Variants in NUBPL observed in about 807,000 individuals in gnomAD.
The protein encoded by NUBPL is iron-sulfur cluster transfer protein NUBPL.
In NUBPL, 31 loss-of-function variants were observed where a neutral mutation model predicts 45.7. The observed-to-expected ratio is 0.68, with a 90% CI of 0.51 to 0.92. The LOEUF is 0.92. NUBPL is among the 40% of genes least tolerant of loss of function. The pLI, the probability that NUBPL is intolerant of heterozygous loss-of-function variation, is 0.00. For missense variants in NUBPL, 401 were observed against 398.7 expected, an observed-to-expected ratio of 1.01 and a Z score of -0.05; for synonymous variants, 144 against 140.9, an observed-to-expected ratio of 1.02 and a Z score of -0.15.
chr14:31,748,444 A>G (rs1220552503), intron 6 of NUBPL, among the ~76,000 whole-genome samples: 1 of 152,092 alleles, frequency 6.6e-6, no homozygotes, highest in Admixed American at 6.6e-5. Context: ...CTCTTCCCTT[A>G]GACTGAATAT....
intron 7 of NUBPL, among the ~76,000 whole-genome samples, chr14:31,822,362 G>A (rs1253638538): frequency 6.6e-6 from 1 of 151,762 alleles, no homozygotes; most frequent in East Asian, 1.9e-4. Flanking sequence ...TAAAAATCTA[G>A]GTTATGCTAG....
chr14:31,786,474 AT>A (rs1273815945), intron 6 of NUBPL, among the ~76,000 whole-genome samples: 2 of 152,132 alleles, frequency 1.3e-5, no homozygotes. Context: ...TTCTGTGCAC[AT>A]TTTACTGTCT....
intron 6 of NUBPL, among the ~76,000 whole-genome samples, chr14:31,742,655 G>A (rs990063530): frequency 6.6e-6 from 1 of 152,120 alleles, no homozygotes; most frequent in Admixed American, 6.5e-5. Context: ...CCAGGCTAGA[G>A]TGCAGTGACA....
chr14:31,800,249 A>G (rs191655308), intron 7 of NUBPL, among the ~76,000 whole-genome samples: 16 of 152,308 alleles, frequency 1.1e-4, no homozygotes. Flanking sequence ...GAGGGCTGGA[A>G]TCAACTTCTT....
At chr14:31,709,408 A>G (rs2037521603) in intron 6 of NUBPL, among the ~76,000 whole-genome samples, 1 of 152,204 alleles carries the variant, frequency 6.6e-6, no homozygotes, top group African/African-American at 2.4e-5. Flanking sequence ...TGCAGTCCCC[A>G]TGATCTGAGT....
chr14:31,563,862 T>C (rs920571030), intron 2 of NUBPL, among the ~76,000 whole-genome samples: 2 of 152,230 alleles, frequency 1.3e-5, no homozygotes, highest in African/African-American at 4.8e-5. Context: ...AAAAACGAAT[T>C]TATCAAGTCT....
chr14:31,647,188 A>G (rs902171963), intron 4 of NUBPL, among the ~76,000 whole-genome samples: 1 of 152,124 alleles, frequency 6.6e-6, no homozygotes, highest in Non-Finnish European at 1.5e-5. Context: ...ACATTTAGCC[A>G]TCTTGTTAGG....
chr14:31,780,704 A>G (rs996269471), intron 6 of NUBPL, among the ~76,000 whole-genome samples: 1 of 152,206 alleles, frequency 6.6e-6, no homozygotes, highest in East Asian at 1.9e-4. Flanking sequence ...AAGTGCTTCC[A>G]GAGAAAAATT....
At chr14:31,766,739 A>G (rs1176107678) in intron 6 of NUBPL, among the ~76,000 whole-genome samples, 1 of 152,244 alleles carries the variant, frequency 6.6e-6, no homozygotes, top group African/African-American at 2.4e-5. Flanking sequence ...GGTAACACAA[A>G]TACAAATGAG....
intron 8 of NUBPL, among the ~76,000 whole-genome samples, chr14:31,831,388 C>T (rs1037529891): frequency 2.0e-5 from 3 of 151,908 alleles, no homozygotes; most frequent in Non-Finnish European, 4.4e-5. Context: ...GATCCAATTA[C>T]ACTCTATTAC....
At chr14:31,827,112 C>T (rs1186210688) in intron 8 of NUBPL, among the ~76,000 whole-genome samples, 1 of 152,070 alleles carries the variant, frequency 6.6e-6, no homozygotes, top group African/African-American at 2.4e-5. Flanking sequence ...TCATTTATAG[C>T]TCACCTTCTT....
chr14:31,854,650 A>G (rs2040589462), intron 10 of NUBPL, among the ~76,000 whole-genome samples: 1 of 152,222 alleles, frequency 6.6e-6, no homozygotes, highest in Non-Finnish European at 1.5e-5. Flanking sequence ...GTTTACAGAT[A>G]TGGAAACTGA....
At chr14:31,823,285 G>A (rs2040047113) in intron 7 of NUBPL, among the ~76,000 whole-genome samples, 1 of 151,942 alleles carries the variant, frequency 6.6e-6, no homozygotes, top group African/African-American at 2.4e-5. Flanking sequence ...AAAATATTAT[G>A]TCATTACTTT....
intron 4 of NUBPL, among the ~76,000 whole-genome samples, chr14:31,652,935 T>A (rs2036046857): frequency 6.6e-6 from 1 of 152,150 alleles, no homozygotes; most frequent in African/African-American, 2.4e-5. Context: ...AAGAGGAATT[T>A]TACAGCTGGG....
intron 6 of NUBPL, among the ~76,000 whole-genome samples, chr14:31,701,427 A>G (rs1029405324): frequency 7.2e-5 from 11 of 152,230 alleles, no homozygotes; most frequent in Non-Finnish European, 7.3e-5. Flanking sequence ...GGGGTCAGAT[A>G]AGGGAATAAA....
At chr14:31,645,005 C>T (rs1051754940) in intron 4 of NUBPL, among the ~76,000 whole-genome samples, 1 of 151,668 alleles carries the variant, frequency 6.6e-6, no homozygotes, top group African/African-American at 2.4e-5. Context: ...GGAATATCTT[C>T]TCCAATCTCC....
At chr14:31,624,269 T>C (rs111329522) in intron 4 of NUBPL, among the ~76,000 whole-genome samples, 1,618 of 152,260 alleles carry the variant, frequency 0.011, 24 homozygotes, top group African/African-American at 0.037. Context: ...TATGTAGATA[T>C]ATTATCCATC....
At chr14:31,678,035 C>T (rs2036742623) in intron 6 of NUBPL, among the ~76,000 whole-genome samples, 1 of 152,204 alleles carries the variant, frequency 6.6e-6, no homozygotes, top group South Asian at 2.1e-4. Flanking sequence ...TCTTCCCATT[C>T]TTTCCTCTTC....
At chr14:31,599,413 GT>G in intron 4 of NUBPL, 34 bp downstream of exon 4, 14 of 1,450,354 alleles carry the variant, frequency 9.7e-6, no homozygotes, top group Non-Finnish European at 1.2e-5. Context: ...TATAATAATA[GT>G]TGCACTTTTA....
Sources: gnomAD v4.1 joint callset for allele counts (sites outside exome capture counted in the v4.1 genomes callset) on GRCh38, gnomAD v4.1.1 for gene constraint, MANE v1.5 for transcripts, NCBI Gene and HGNC (gene_info 2026-07-23, HGNC 2026-07-21) for gene names.